The following HDAC4 variants were observed in gnomAD, a reference collection of about 807,000 sequenced individuals.
HDAC4 encodes the protein histone deacetylase 4.
Under a neutral mutation model 135.1 loss-of-function variants are expected in HDAC4, and 16 were observed. That is an observed-to-expected ratio of 0.12 (90% CI 0.08 to 0.18). The LOEUF (loss-of-function observed/expected upper bound fraction) is 0.18. HDAC4 is among the 10% of genes least tolerant of loss of function. The pLI is 1.00. For synonymous variants in HDAC4, 685 were observed against 653.4 expected (o/e 1.05, Z -0.74); for missense variants, 1,143 against 1,511.8 (o/e 0.76, Z 4.05).
chr2:239,280,321 G>C (rs1272525978), intron 2 of HDAC4, among the ~76,000 whole-genome samples: 1 of 152,206 alleles, frequency 6.6e-6, no homozygotes, highest in African/African-American at 2.4e-5. Context: ...CACAAGCCCT[G>C]AAAGCACATT....
intron 2 of HDAC4, chr2:239,351,784 C>G (rs866294895): frequency 6.5e-6 from 1 of 154,438 alleles, no homozygotes; most frequent in East Asian, 1.9e-4. Flanking sequence ...CCAAGGCTAA[C>G]AGAGCCTCAG....
At position 239,134,401 on chromosome 2, in the gene HDAC4, C is replaced by A. The variant is rs771581695; in HGVS notation, c.1138G>T (p.Ala380Ser). 1.9e-6 allele frequency: 3 copies of A among 1,613,490 alleles called. No individual in the cohort carries two copies. The highest frequency in any genetic ancestry group is 1.7e-5 in the Admixed American group (1 of 59,918). The stretch of plus-strand genomic sequence containing the variant: ...AAAAGGGAGAGCCTCTGCTGGAGGG[C>A]GGGAAGGGTGAGTCTCTCGGCGTCC... ...QQDAERLTLP[A>S]LQQRLSLFPG... The change falls in exon 11 of 27, where the codon GCC becomes TCC. Residue 380 changes from alanine to serine, a missense_variant. This residue lies in a region of HDAC4 where 272 missense variants were observed against 309.7 expected (regional missense o/e 0.88). Coordinates refer to ENST00000543185, the MANE Select transcript of HDAC4 (RefSeq NM_001378414.1).
rs557492935 is a variant in HDAC4, at chr2:239,135,755, C to T, written c.979-1112G>A. On this transcript the variant is annotated intron_variant, in intron 9 of 26. Coordinates refer to ENST00000543185, the MANE Select transcript of HDAC4 (RefSeq NM_001378414.1). ...GCATGGCAGAGCTATGCGGCTTCCC[C>T]GACACCTTGGTGTTAACAGAACGGA... 7.9e-5 allele frequency among the ~76,000 whole-genome samples: 12 copies of T among 152,326 alleles called. No homozygotes were observed. The South Asian group carries it at 1.4e-3, about 18-fold the overall frequency.
In HDAC4 at chr2:239,090,031, T is replaced by C. The variant is rs1002770707; in HGVS notation, c.2366A>G (p.Lys789Arg). The C allele has an allele frequency of 6.2e-7, 1 of 1,613,654 alleles. No homozygotes were observed. The highest frequency in any genetic ancestry group is 8.5e-7 in the Non-Finnish European group (1 of 1,179,778). Residue 789 changes from lysine to arginine, a missense_variant, in exon 18 of 27, where the codon AAG becomes AGG. Physicochemically the swap from Lys to Arg is conservative, Grantham distance 26. Transcript: ENST00000543185. The part of the protein sequence containing the change: ...AVGCVVELVF[K>R]VATGELKNGF... Reference sequence around the variant, plus strand: ...GACCTTCAGCTCCCCTGTGGCCACCTTGAAGACCAGCTCTACCACGCAGCC... The same window carrying C: ...GACCTTCAGCTCCCCTGTGGCCACCCTGAAGACCAGCTCTACCACGCAGCC...
chr2:239,198,970 T>C (rs1184690522), intron 3 of HDAC4, among the ~76,000 whole-genome samples: 4 of 152,208 alleles, frequency 2.6e-5, no homozygotes, highest in Non-Finnish European at 4.4e-5. Flanking sequence ...GACAAGTCTG[T>C]AATATTATGA....
chr2:239,393,632 A>T (rs1575806553), intron 1 of HDAC4, among the ~76,000 whole-genome samples: 1 of 104,726 alleles, frequency 9.5e-6, no homozygotes, highest in Non-Finnish European at 1.8e-5. Flanking sequence ...CCTCCTCCTC[A>T]TCTGGGCCTG....
intron 20 of HDAC4, among the ~76,000 whole-genome samples, chr2:239,082,889 A>G (rs1265529578): frequency 6.6e-6 from 1 of 152,252 alleles, no homozygotes; most frequent in Non-Finnish European, 1.5e-5. Flanking sequence ...GGTGGTCACC[A>G]GGATGGGCGG....
At chr2:239,098,827 G>C (rs974429046) in intron 16 of HDAC4, among the ~76,000 whole-genome samples, 18 of 152,230 alleles carry the variant, frequency 1.2e-4, no homozygotes, top group Non-Finnish European at 2.1e-4. Context: ...TGAAGTTTCT[G>C]GGTTAGGACA....
chr2:239,332,946 C>T (rs982689488), intron 2 of HDAC4, among the ~76,000 whole-genome samples: 5 of 152,168 alleles, frequency 3.3e-5, no homozygotes, highest in Non-Finnish European at 5.9e-5. Flanking sequence ...TATTTCAATA[C>T]ATTTGAAGAT....
intron 3 of HDAC4, among the ~76,000 whole-genome samples, chr2:239,205,762 A>T (rs2046008839): frequency 6.6e-6 from 1 of 152,266 alleles, no homozygotes; most frequent in South Asian, 2.1e-4. Context: ...AGTTTACCTA[A>T]CTTGTGGGGT....
chr2:239,349,096 G>A lies in HDAC4; in HGVS notation c.22+3582C>T, dbSNP rs1692929675. Among the ~76,000 whole-genome samples, 1 of 152,200 alleles carries A rather than the reference G, an allele frequency of 6.6e-6. No homozygotes were observed. Among genetic ancestry groups the A allele is most frequent in the Admixed American group, 6.5e-5 (1 of 15,284 alleles). On this transcript the variant is annotated intron_variant, in intron 2 of 26. Transcript: ENST00000543185. The surrounding 1 kb of genome is among the most constrained non-coding windows in gnomAD (Gnocchi z 5.7). ...CAGCCCGGCCTGCCCAGGGAGTGAG[G>A]GCGGCACGGGCACCCACACCAGGCC...
chr2:239,186,267 C>T (rs184293357), intron 4 of HDAC4, among the ~76,000 whole-genome samples: 1 of 152,160 alleles, frequency 6.6e-6, no homozygotes, highest in Admixed American at 6.5e-5. Flanking sequence ...AAATGACTCC[C>T]TTTTCAATTA....
At chr2:239,140,726 TG>T (rs372646716) in intron 8 of HDAC4, among the ~76,000 whole-genome samples, 16 of 152,184 alleles carry the variant, frequency 1.1e-4, no homozygotes, top group African/African-American at 3.9e-4. Context: ...GGAAGGGACA[TG>T]GTGGGGGCCC....
intron 2 of HDAC4, among the ~76,000 whole-genome samples, chr2:239,244,398 C>T (rs1043819805): frequency 6.6e-6 from 1 of 152,094 alleles, no homozygotes; most frequent in African/African-American, 2.4e-5. Flanking sequence ...AAGACCTGCA[C>T]CTCCTGGAGG....
At chr2:239,221,148 A>G (rs2046928489) in intron 3 of HDAC4, among the ~76,000 whole-genome samples, 1 of 152,204 alleles carries the variant, frequency 6.6e-6, no homozygotes, top group Non-Finnish European at 1.5e-5. Context: ...TACATGAAGG[A>G]GAACCCTGTC....
At chr2:239,217,324 AC>A (rs1332594132) in intron 3 of HDAC4, among the ~76,000 whole-genome samples, 1 of 152,204 alleles carries the variant, frequency 6.6e-6, no homozygotes, top group African/African-American at 2.4e-5. Context: ...CTAGTGGTTA[AC>A]CTAAAATTCC....
At position 239,377,950 on chromosome 2, in the gene HDAC4, C is replaced by T. The variant is rs988918514; in HGVS notation, c.-220+23028G>A. On this transcript the variant is annotated intron_variant, in intron 1 of 26. Transcript: ENST00000543185. ...CCCACCTCAAGGACCTCTAATTTTC[C>T]CTGAAATAGGAGTTCTATGGACATC... is the stretch of plus-strand genomic sequence containing the variant. 5.2e-4 allele frequency among the ~76,000 whole-genome samples: 79 copies of T among 152,118 alleles called. 1 individual carries two copies. The highest frequency in any genetic ancestry group is 1.9e-3 in the African/African-American group (77 of 41,410).
chr2:239,244,034 C>T (rs956356870), intron 2 of HDAC4, among the ~76,000 whole-genome samples: 8 of 152,122 alleles, frequency 5.3e-5, no homozygotes, highest in African/African-American at 1.7e-4. Flanking sequence ...ATAGAATGTG[C>T]TTCAACTGGG....
chr2:239,382,015 G>A (rs1308107733), intron 1 of HDAC4, among the ~76,000 whole-genome samples: 1 of 152,214 alleles, frequency 6.6e-6, no homozygotes, highest in Non-Finnish European at 1.5e-5. Flanking sequence ...GGCCCCCAAA[G>A]CCAACAGTGA....
Sources: gnomAD v4.1 joint callset for allele counts (sites outside exome capture counted in the v4.1 genomes callset) on GRCh38, gnomAD v4.1.1 for gene constraint, gnomAD v4.1.1 regional missense constraint, Gnocchi (gnomAD v3.1) non-coding constraint, MANE v1.5 for transcripts, NCBI Gene and HGNC (gene_info 2026-07-23, HGNC 2026-07-21) for gene names.